Variants in ABCB5 observed in about 807,000 individuals in gnomAD.
The protein encoded by ABCB5 is ATP-binding cassette sub-family B member 5.
Under a neutral mutation model 144.2 loss-of-function variants are expected in ABCB5, and 155 were observed. The observed-to-expected ratio is 1.08, with a 90% confidence interval of 0.94 to 1.23. The LOEUF is 1.23. Ranked by LOEUF, ABCB5 falls within the 50% of genes most tolerant of loss-of-function variation. The pLI is 0.00. For missense variants in ABCB5, 1,830 were observed against 1,520.8 expected (o/e 1.20, Z -3.38); for synonymous variants, 610 against 528.6 (o/e 1.15, Z -2.11).
chr7:20,724,713 G>A lies in ABCB5; in HGVS notation c.2625+1494G>A, dbSNP rs540661140. On this transcript the variant is annotated intron_variant, in intron 21 of 27. Coordinates refer to ENST00000404938, the MANE Select transcript of ABCB5 (RefSeq NM_001163941.2). ...TACACTGGTGTACATCCTCTGAATA[G>A]CAAAATGATGTTAATATCCTTTATA... is the stretch of plus-strand genomic sequence containing the variant. 6.0e-5 allele frequency among the ~76,000 whole-genome samples: 9 copies of A among 150,980 alleles called. No homozygotes were observed. In the South Asian group the frequency reaches 1.7e-3, roughly 28 times the overall value.
intron 13 of ABCB5, among the ~76,000 whole-genome samples, chr7:20,654,769 G>A (rs1045859686): frequency 6.6e-6 from 1 of 152,020 alleles, no homozygotes; most frequent in African/African-American, 2.4e-5. Flanking sequence ...AAACTATTCT[G>A]AACTAAATCA....
At position 20,728,348 on chromosome 7, in the gene ABCB5, C is replaced by T. The variant is rs758731764; in HGVS notation, c.2760C>T (p.Ser920=). 2.3e-5 allele frequency: 37 copies of T among 1,613,962 alleles called. No homozygotes were observed. The Admixed American group carries it at 6.2e-4, about 27-fold the overall frequency. ...NTSKKAQIIG[S]CYAFSHAFIY... is the part of the protein sequence containing the mutation. ...CGAAGAAAGCACAGATTATTGGAAG[C>T]TGTTATGCATTCAGCCATGCCTTTA... Residue 920 remains serine (S), a synonymous_variant, in exon 23 of 28, where the codon AGC becomes AGT. Coordinates refer to ENST00000404938, the MANE Select transcript of ABCB5 (RefSeq NM_001163941.2).
chr7:20,710,155 AC>A (rs1786976300), intron 20 of ABCB5, among the ~76,000 whole-genome samples: 1 of 148,152 alleles, frequency 6.7e-6, no homozygotes. Flanking sequence ...CGGGTGGATC[AC>A]CTGAGGTCGG....
intron 14 of ABCB5, among the ~76,000 whole-genome samples, chr7:20,679,711 C>T (rs1785729383): frequency 6.6e-6 from 1 of 152,092 alleles, no homozygotes; most frequent in Admixed American, 6.6e-5. Context: ...TATTAGTCAT[C>T]GAGAAAATGC....
At chr7:20,755,164 G>A (rs1264104780) in intron 27 of ABCB5, among the ~76,000 whole-genome samples, 1 of 152,158 alleles carries the variant, frequency 6.6e-6, no homozygotes, top group Non-Finnish European at 1.5e-5. Flanking sequence ...GATCAGGCTG[G>A]TCTCGAACTC....
chr7:20,627,126 C>G (rs1031332886), intron 3 of ABCB5, among the ~76,000 whole-genome samples: 2 of 152,068 alleles, frequency 1.3e-5, no homozygotes, highest in Non-Finnish European at 2.9e-5. Flanking sequence ...GTTTAAGGAG[C>G]GTTTCATGCA....
chr7:20,681,865 G>A (rs778357285), intron 15 of ABCB5, among the ~76,000 whole-genome samples, 199 bp downstream of exon 15: 3 of 152,110 alleles, frequency 2.0e-5, no homozygotes, highest in African/African-American at 4.8e-5. Flanking sequence ...AAGAACTAAT[G>A]GGTACCTGGT....
intron 20 of ABCB5, among the ~76,000 whole-genome samples, chr7:20,717,133 G>T (rs891721796): frequency 6.6e-6 from 1 of 152,096 alleles, no homozygotes; most frequent in Non-Finnish European, 1.5e-5. Context: ...AAGAACTTAA[G>T]GTCCACAGCA....
At chr7:20,748,337 T>C (rs1162988033) in intron 26 of ABCB5, among the ~76,000 whole-genome samples, 1 of 148,994 alleles carries the variant, frequency 6.7e-6, no homozygotes, top group African/African-American at 2.5e-5. Context: ...TTGTAATTTG[T>C]TGTACTTCCT....
chr7:20,726,587 G>A (rs1399580809), intron 21 of ABCB5, among the ~76,000 whole-genome samples: 2 of 151,914 alleles, frequency 1.3e-5, no homozygotes, highest in African/African-American at 2.4e-5. Flanking sequence ...GGCTGGTTTC[G>A]AACTCCTGGC....
Position 20,645,827 on chromosome 7 carries a change from G to A in ABCB5, c.750G>A (p.Leu250=), listed in dbSNP as rs116568002. Residue 250 remains leucine, a synonymous_variant, in exon 8 of 28, where the codon TTG becomes TTA. Coordinates refer to ENST00000404938, the MANE Select transcript of ABCB5 (RefSeq NM_001163941.2). ...CTGGGGCTGTGGCAGAAGAAGTCTTGTCATCAATCCGAACAGTCATAGCCT... is the reference window on the plus strand; with the variant it reads ...CTGGGGCTGTGGCAGAAGAAGTCTTATCATCAATCCGAACAGTCATAGCCT... ...SKAGAVAEEV[L]SSIRTVIAFR... 1.9e-3 allele frequency: 3,088 copies of A among 1,613,848 alleles called. 39 individuals are homozygous for A. In the African/African-American group the frequency reaches 0.037, roughly 19 times the overall value.
intron 4 of ABCB5, among the ~76,000 whole-genome samples, chr7:20,631,828 G>C (rs1784044724): frequency 6.6e-6 from 1 of 152,102 alleles, no homozygotes; most frequent in African/African-American, 2.4e-5. Context: ...TGAGCTACAT[G>C]GTTAATGCTT....
chr7:20,744,176 T>C (rs1357206698), intron 25 of ABCB5, among the ~76,000 whole-genome samples: 1 of 152,144 alleles, frequency 6.6e-6, no homozygotes, highest in Non-Finnish European at 1.5e-5. Flanking sequence ...GCGATTCTCA[T>C]GCCTCAGCCT....
chr7:20,716,281 C>A (rs1442824707), intron 20 of ABCB5, among the ~76,000 whole-genome samples: 2 of 151,618 alleles, frequency 1.3e-5, no homozygotes, highest in African/African-American at 4.8e-5. Context: ...CAAAACATAA[C>A]CCCCTATCAA....
At chr7:20,753,856 TAAGG>T in intron 27 of ABCB5, among the ~76,000 whole-genome samples, 1 of 152,210 alleles carries the variant, frequency 6.6e-6, no homozygotes, top group Non-Finnish European at 1.5e-5. Flanking sequence ...AACAAACTAA[TAAGG>T]TAATTAGTAT....
intron 4 of ABCB5, among the ~76,000 whole-genome samples, chr7:20,630,950 T>G (rs543163383): frequency 6.6e-6 from 1 of 152,322 alleles, no homozygotes; most frequent in African/African-American, 2.4e-5. Flanking sequence ...TCATGGATAT[T>G]ACTGGTATAT....
Position 20,669,981 on chromosome 7 carries a change from A to G in ABCB5, c.1707+11305A>G, listed in dbSNP as rs372794197. Among the ~76,000 whole-genome samples the G allele has an allele frequency of 2.8e-4, 43 of 152,372 alleles. No individual in the cohort carries two copies. The East Asian group carries it at 6.9e-3, about 25-fold the overall frequency. ...TGTGAAAGAGAGGAGTGGTATCAGCATAGGCTGAATATCTTACCTGTAAAA... is the reference window on the plus strand; with the variant it reads ...TGTGAAAGAGAGGAGTGGTATCAGCGTAGGCTGAATATCTTACCTGTAAAA... On this transcript the variant is annotated intron_variant, in intron 14 of 27. Transcript: ENST00000404938.
intron 11 of ABCB5, 109 bp downstream of exon 11, chr7:20,648,187 C>T (rs1784471603): frequency 2.8e-6 from 2 of 702,200 alleles, no homozygotes; most frequent in South Asian, 3.8e-5. Flanking sequence ...AAGATTTTGG[C>T]TACTTTGCTT....
intron 22 of ABCB5, 72 bp downstream of exon 22, chr7:20,727,212 A>C: frequency 9.5e-7 from 1 of 1,057,274 alleles, no homozygotes; most frequent in South Asian, 1.6e-5. Flanking sequence ...AAATGACTCC[A>C]GTGGTTTGCC....
Sources: gnomAD v4.1 joint callset for allele counts (sites outside exome capture counted in the v4.1 genomes callset) on GRCh38, gnomAD v4.1.1 for gene constraint, MANE v1.5 for transcripts, NCBI Gene and HGNC (gene_info 2026-07-23, HGNC 2026-07-21) for gene names.